The following AHNAK variants were observed in gnomAD, a reference collection of about 807,000 sequenced individuals.
AHNAK encodes AHNAK nucleoprotein.
A neutral mutation model predicts 37.8 loss-of-function variants in AHNAK; 23 were observed. The observed-to-expected ratio is 0.61, with a 90% CI of 0.44 to 0.86. The LOEUF is 0.86. Ranked by LOEUF, AHNAK falls within the 40% of genes least tolerant of loss-of-function variation. The pLI is 0.00. For missense variants in AHNAK, 7,411 were observed against 7,319.4 expected (o/e 1.01, Z -0.46); for synonymous variants, 2,481 against 2,636.3 (o/e 0.94, Z 1.80).
intron 5 of AHNAK, chr11:62,433,922 C>T (rs1289802879): frequency 1.2e-6 from 2 of 1,609,136 alleles, no homozygotes; most frequent in East Asian, 4.5e-5. Flanking sequence ...GATTTATATT[C>T]AACACACTAT....
In AHNAK at chr11:62,522,509, C is replaced by G; in HGVS notation, c.11908G>C (p.Val3970Leu). The change falls in exon 5 of 5, where the codon GTT (valine) becomes CTT (leucine). Residue 3970 changes from valine to leucine, a missense_variant. Physicochemically the swap from Val to Leu is conservative, Grantham distance 32. Coordinates refer to ENST00000378024, the MANE Select transcript of AHNAK (RefSeq NM_001620.3). ...TCAATATTCACATCTGGAACATCAA[C>G]GTCCACCTTGGGTCCTGAGACGTCA... ...DLDVSGPKVD[V>L]DVPDVNIEGP... is the part of the protein sequence containing the mutation. 1 of 1,610,680 alleles carries G rather than the reference C, an allele frequency of 6.2e-7. No homozygotes were observed. Among genetic ancestry groups the G allele is most frequent in the East Asian group, 2.2e-5 (1 of 44,636 alleles).
intron 5 of AHNAK, among the ~76,000 whole-genome samples, chr11:62,469,617 A>T (rs1017449477): frequency 1.3e-5 from 2 of 151,408 alleles, no homozygotes; most frequent in Admixed American, 1.3e-4. Context: ...GGTATTTGCC[A>T]CTACACCCAG....
At chr11:62,475,169 G>A (rs1939117580) in intron 5 of AHNAK, among the ~76,000 whole-genome samples, 1 of 152,190 alleles carries the variant, frequency 6.6e-6, no homozygotes, top group African/African-American at 2.4e-5. Context: ...CAGGCATAGT[G>A]GCAGGTGCCT....
In AHNAK at chr11:62,523,290, G is replaced by C; in HGVS notation, c.11127C>G (p.Gly3709=). ...DLKGPEVDIK[G]PKVDIDTPDI... ...CAGGAGTGTCAATGTCCACTTTGGG[G>C]CCCTTGATGTCCACCTCAGGGCCTT... Residue 3709 remains glycine (G), a synonymous_variant, in exon 5 of 5, where the codon GGC becomes GGG. Coordinates refer to ENST00000378024, the MANE Select transcript of AHNAK (RefSeq NM_001620.3). 6.2e-7 allele frequency: 1 copy of C among 1,614,024 alleles called. No homozygotes were observed. Among genetic ancestry groups the C allele is most frequent in the South Asian group, 1.1e-5 (1 of 91,052 alleles).
chr11:62,508,866 C>G (rs1939859130), intron 4 of AHNAK, among the ~76,000 whole-genome samples: 1 of 152,234 alleles, frequency 6.6e-6, no homozygotes, highest in African/African-American at 2.4e-5. Flanking sequence ...TTCAAAACTC[C>G]CAGCCCGAGA....
rs200869502 is a variant in AHNAK, at chr11:62,530,079, T to C, written c.4338A>G (p.Ile1446Met). The part of the protein sequence containing the change: ...GPKFKMPEMS[I>M]KPQKISIPDV... ...CTGGTATGGATATCTTCTGAGGCTT[T>C]ATACTCATTTCTGGCATCTTGAATT... Residue 1446 changes from isoleucine to methionine, a missense_variant, in exon 5 of 5, where the codon ATA becomes ATG. Transcript: ENST00000378024. The C allele has an allele frequency of 3.4e-5, 55 of 1,613,924 alleles. No homozygotes were observed. Among genetic ancestry groups the C allele is most frequent in the African/African-American group, 1.3e-5 (1 of 74,914 alleles).
At chr11:62,462,816 T>G (rs1004738764) in intron 5 of AHNAK, among the ~76,000 whole-genome samples, 2 of 152,098 alleles carry the variant, frequency 1.3e-5, no homozygotes, top group Non-Finnish European at 2.9e-5. Context: ...ATGGAGGAGC[T>G]TTGTTAATTT....
chr11:62,538,618 G>A (rs147995138), intron 1 of AHNAK, among the ~76,000 whole-genome samples: 3 of 152,332 alleles, frequency 2.0e-5, no homozygotes, highest in South Asian at 2.1e-4. Flanking sequence ...CACTACAGAC[G>A]GAACCAGCCA....
chr11:62,526,044 G>C lies in AHNAK; in HGVS notation c.8373C>G (p.Pro2791=). 6.2e-7 allele frequency: 1 copy of C among 1,613,482 alleles called. No homozygotes were observed. The highest frequency in any genetic ancestry group is 2.2e-5 in the East Asian group (1 of 44,826). Residue 2791 remains proline (P), a synonymous_variant, in exon 5 of 5, where the codon CCC becomes CCG. Transcript: ENST00000378024. ...GEGPDVDVNL[P]KADIDVSGPK... ...GTCCTGAGACATCAATGTCAGCCTT[G>C]GGCAGGTTCACGTCCACATCTGGAC... is the stretch of plus-strand genomic sequence containing the variant.
chr11:62,526,183 C>T lies in AHNAK; in HGVS notation c.8234G>A (p.Gly2745Asp). 6.2e-7 allele frequency: 1 copy of T among 1,613,648 alleles called. No individual in the cohort carries two copies. Among genetic ancestry groups the T allele is most frequent in the Non-Finnish European group, 8.5e-7 (1 of 1,179,940 alleles). The part of the protein sequence containing the change: ...DLKGPEVDIK[G>D]PKVDIDAPDV... ...AGGTGCGTCAATGTCCACTTTTGGG[C>T]CCTTGATGTCAACTTCTGGGCCCTT... The change falls in exon 5 of 5, where the codon GGC (glycine) becomes GAC (aspartate). Residue 2745 changes from glycine to aspartate, a missense_variant. Transcript: ENST00000378024.
At chr11:62,457,127 C>A (rs922263254) in intron 5 of AHNAK, among the ~76,000 whole-genome samples, 1 of 152,152 alleles carries the variant, frequency 6.6e-6, no homozygotes, top group Non-Finnish European at 1.5e-5. Context: ...ATGGCGAAAT[C>A]TTCTACTAAA....
intron 5 of AHNAK, chr11:62,491,707 T>A: frequency 6.3e-7 from 1 of 1,583,690 alleles, no homozygotes; most frequent in Non-Finnish European, 8.6e-7. Flanking sequence ...GTCATCCGTC[T>A]TTCAGTCCCC....
At chr11:62,469,824 A>T (rs1386279110) in intron 5 of AHNAK, among the ~76,000 whole-genome samples, 2 of 152,166 alleles carry the variant, frequency 1.3e-5, no homozygotes, top group Non-Finnish European at 2.9e-5. Context: ...CACCAGGGGG[A>T]GAGGTGTCAG....
intron 5 of AHNAK, among the ~76,000 whole-genome samples, chr11:62,472,525 G>T (rs1274585347): frequency 6.6e-6 from 1 of 151,480 alleles, no homozygotes; most frequent in Non-Finnish European, 1.5e-5. Flanking sequence ...CCTCCTTCCC[G>T]CCTCTCAGCC....
At chr11:62,437,231 A>G (rs1182573486) in intron 5 of AHNAK, among the ~76,000 whole-genome samples, 1 of 152,246 alleles carries the variant, frequency 6.6e-6, no homozygotes, top group Non-Finnish European at 1.5e-5. Context: ...TTATATGAAT[A>G]GATCACCAAT....
rs1317336876 is a variant in AHNAK, at chr11:62,531,353, G to A, written c.3064C>T (p.Leu1022=). The A allele has an allele frequency of 2.5e-6, 4 of 1,609,710 alleles. No homozygotes were observed. The highest frequency in any genetic ancestry group is 1.7e-5 in the Admixed American group (1 of 59,458). ...KGEGPEFDVN[L]SKANVDISAP... ...GAAATGTCCACATTCGCTTTGGACA[G>A]GTTCACATCAAATTCTGGCCCCTCT... Residue 1022 remains leucine (L), a synonymous_variant, in exon 5 of 5, where the codon CTG becomes TTG. Transcript: ENST00000378024.
intron 5 of AHNAK, among the ~76,000 whole-genome samples, chr11:62,483,930 C>T (rs546603929): frequency 1.1e-4 from 17 of 148,454 alleles, no homozygotes; most frequent in African/African-American, 2.9e-4. Context: ...CCAGCTACTC[C>T]GGAGGCTGAG....
At chr11:62,534,664 TGTGAGGTGGA>T (rs1391325307) in intron 4 of AHNAK, among the ~76,000 whole-genome samples, 1 of 152,184 alleles carries the variant, frequency 6.6e-6, no homozygotes, top group Non-Finnish European at 1.5e-5. Flanking sequence ...AAATGGTGTC[TGTGAGGTGGA>T]GCTGGGCACC....
chr11:62,525,758 C>G lies in AHNAK; in HGVS notation c.8659G>C (p.Gly2887Arg). 3 of 1,612,920 alleles carry G rather than the reference C, an allele frequency of 1.9e-6. No individual in the cohort carries two copies. The highest frequency in any genetic ancestry group is 2.5e-6 in the Non-Finnish European group (3 of 1,179,774). ...DIDVPDVNVQ[G>R]PDWHLKMPKM... ...GGCATCTTCAGGTGCCAGTCTGGAC[C>G]CTGAACATTAACATCTGGGACATCA... Residue 2887 changes from glycine (G) to arginine (R), a missense_variant, in exon 5 of 5, where the codon GGT becomes CGT. By Grantham distance (125) the Gly-to-Arg change is moderately radical. Transcript: ENST00000378024.
Sources: gnomAD v4.1 joint callset for allele counts (sites outside exome capture counted in the v4.1 genomes callset) on GRCh38, gnomAD v4.1.1 for gene constraint, MANE v1.5 for transcripts, NCBI Gene and HGNC (gene_info 2026-07-23, HGNC 2026-07-21) for gene names.